Variants in CTNNA2 observed in about 807,000 individuals in gnomAD.
The protein encoded by CTNNA2 is catenin alpha-2.
CTNNA2 carries 42 observed loss-of-function variants against 101.0 expected under a neutral mutation model. That is an observed-to-expected ratio of 0.42 (90% CI 0.32 to 0.54). The LOEUF (loss-of-function observed/expected upper bound fraction) is 0.54. CTNNA2 is among the 20% of genes least tolerant of loss of function. CTNNA2 has a pLI of 0.14. For synonymous variants in CTNNA2, 450 were observed against 456.4 expected (o/e 0.99, Z 0.18); for missense variants, 871 against 1,223.1 (o/e 0.71, Z 4.29).
At chr2:80,519,096 G>A (rs1438734702) in intron 9 of CTNNA2, among the ~76,000 whole-genome samples, 1 of 151,952 alleles carries the variant, frequency 6.6e-6, no homozygotes, top group East Asian at 1.9e-4. Flanking sequence ...GGGAATACAA[G>A]AATAAACACC....
At chr2:80,071,977 G>A (rs1487246434) in intron 7 of CTNNA2, among the ~76,000 whole-genome samples, 1 of 152,168 alleles carries the variant, frequency 6.6e-6, no homozygotes, top group Non-Finnish European at 1.5e-5. Flanking sequence ...AGGAGAAAAT[G>A]TTCCAAATGC....
rs1387001929 is a variant in CTNNA2, at chr2:80,360,612, G to A, written c.1057-32599G>A. 2.0e-5 allele frequency among the ~76,000 whole-genome samples: 3 copies of A among 152,050 alleles called. No individual in the cohort carries two copies. The East Asian group carries it at 5.8e-4, about 29-fold the overall frequency. On this transcript the variant is annotated intron_variant, in intron 7 of 18. Transcript: ENST00000402739. Reference sequence around the variant, plus strand: ...GCAATTGTTTTATTAAAACTGTCCTGATAGGGTACTCTATGATTAGTCCCT... The same window carrying A: ...GCAATTGTTTTATTAAAACTGTCCTAATAGGGTACTCTATGATTAGTCCCT...
At chr2:80,078,270 C>A (rs755425437) in intron 7 of CTNNA2, among the ~76,000 whole-genome samples, 33 of 152,062 alleles carry the variant, frequency 2.2e-4, no homozygotes, top group Non-Finnish European at 4.1e-4. Flanking sequence ...CTGTTGAAAA[C>A]GCAGAACTTC....
At chr2:79,853,315 A>T (rs1468168221) in intron 3 of CTNNA2, among the ~76,000 whole-genome samples, 1 of 151,790 alleles carries the variant, frequency 6.6e-6, no homozygotes, top group African/African-American at 2.4e-5. Context: ...TGATTTTTAA[A>T]TTTTTTTTGT....
At chr2:80,601,418 TTTC>T (rs373927943) in intron 15 of CTNNA2, among the ~76,000 whole-genome samples, 11,615 of 99,206 alleles carry the variant, frequency 0.12, 862 homozygotes, top group African/African-American at 0.17. Flanking sequence ...TCTTTCTTTC[TTTC>T]TTTTTTTTTT....
At chr2:80,561,303 G>A (rs1401724348) in intron 12 of CTNNA2, among the ~76,000 whole-genome samples, 1 of 152,184 alleles carries the variant, frequency 6.6e-6, no homozygotes, top group Non-Finnish European at 1.5e-5. Context: ...GAATGAGAAA[G>A]AAGCCTCATC....
At chr2:80,549,768 A>G (rs928678757) in intron 11 of CTNNA2, among the ~76,000 whole-genome samples, 1 of 152,164 alleles carries the variant, frequency 6.6e-6, no homozygotes, top group Non-Finnish European at 1.5e-5. Context: ...CCCCTTCTCA[A>G]TGGGCATGTT....
rs999844396 is a variant in CTNNA2 at position 80,589,553 on chromosome 2, C to T, written c.2189+68C>T. On this transcript the variant is annotated intron_variant, in intron 15 of 18. Transcript: ENST00000402739. ...CCAGAAGTGTAGCAGTGTGTATTAG[C>T]ATGTGAAAGCCTGCTGAAAAATTAA... is the stretch of plus-strand genomic sequence containing the variant. The T allele has an allele frequency of 5.5e-6, 8 of 1,443,000 alleles. No homozygotes were observed. In the African/African-American group the frequency reaches 1.1e-4, roughly 21 times the overall value. 89.4% of individuals were successfully genotyped at this position (1,443,000 alleles called of 1,614,324 possible).
rs185945645 is a variant in CTNNA2 at position 79,824,749 on chromosome 2, C to A, written c.299-33264C>A. 2.6e-5 allele frequency among the ~76,000 whole-genome samples: 4 copies of A among 152,258 alleles called. No individual in the cohort carries two copies. In the East Asian group the frequency reaches 7.7e-4, roughly 29 times the overall value. ...TGGATGCCTAAAAATCAATATGATG[C>A]ACTGAGATGCTTTGTGATACAGATA... On this transcript the variant is annotated intron_variant, in intron 3 of 18. Transcript: ENST00000402739.
intron 2 of CTNNA2, among the ~76,000 whole-genome samples, chr2:79,242,395 A>G (rs1022166957): frequency 6.6e-6 from 1 of 151,916 alleles, no homozygotes; most frequent in Non-Finnish European, 1.5e-5. Flanking sequence ...CATGGAGGTG[A>G]TTTGGGGAAA....
intron 18 of CTNNA2, among the ~76,000 whole-genome samples, chr2:80,634,301 T>C (rs982174214): frequency 5.9e-5 from 9 of 152,112 alleles, no homozygotes; most frequent in Non-Finnish European, 1.0e-4. Flanking sequence ...CTTGGGTAGT[T>C]TTCACCAAGA....
intron 7 of CTNNA2, among the ~76,000 whole-genome samples, chr2:80,012,967 C>A (rs1442775983): frequency 6.6e-6 from 1 of 152,084 alleles, no homozygotes; most frequent in African/African-American, 2.4e-5. Context: ...AGTTTGAGAC[C>A]ATTCTGGGCA....
At chr2:79,284,688 C>T (rs1228056353) in intron 2 of CTNNA2, among the ~76,000 whole-genome samples, 3 of 150,514 alleles carry the variant, frequency 2.0e-5, no homozygotes, top group Non-Finnish European at 3.0e-5. Context: ...ATTTTTGCAT[C>T]AATGTTCATC....
chr2:80,595,255 A>G lies in CTNNA2; in HGVS notation c.2189+5770A>G, dbSNP rs570925859. ...TTTTATTTTTTTGATACTGTTCTAAATGGAGTTATTTTCTTCATTTTCTTT... is the reference window on the plus strand; with the variant it reads ...TTTTATTTTTTTGATACTGTTCTAAGTGGAGTTATTTTCTTCATTTTCTTT... On this transcript the variant is annotated intron_variant, in intron 15 of 18. Transcript: ENST00000402739. 2.6e-5 allele frequency among the ~76,000 whole-genome samples: 4 copies of G among 151,450 alleles called. No homozygotes were observed. In the East Asian group the frequency reaches 7.8e-4, roughly 29 times the overall value.
At chr2:80,266,319 C>G (rs534367296) in intron 7 of CTNNA2, among the ~76,000 whole-genome samples, 1 of 152,212 alleles carries the variant, frequency 6.6e-6, no homozygotes, top group Admixed American at 6.5e-5. Context: ...ACAGAGAGAG[C>G]TCATGGCCAA....
intron 7 of CTNNA2, among the ~76,000 whole-genome samples, chr2:79,979,835 G>C (rs571813842): frequency 6.6e-6 from 1 of 152,248 alleles, no homozygotes; most frequent in Non-Finnish European, 1.5e-5. Context: ...CTAATGCAGA[G>C]AAAGGAGCTT....
intron 7 of CTNNA2, among the ~76,000 whole-genome samples, chr2:80,312,216 A>AG (rs1364003886): frequency 2.0e-5 from 3 of 152,194 alleles, no homozygotes; most frequent in Non-Finnish European, 4.4e-5. Flanking sequence ...TGGACAGAGG[A>AG]GGGGCAGGAG....
Position 80,052,177 on chromosome 2 carries a change from A to G in CTNNA2, c.1056+142380A>G, listed in dbSNP as rs139972681. 9.2e-5 allele frequency among the ~76,000 whole-genome samples: 14 copies of G among 152,362 alleles called. No homozygotes were observed. The East Asian group carries it at 2.7e-3, about 29-fold the overall frequency. On this transcript the variant is annotated intron_variant, in intron 7 of 18. Transcript: ENST00000402739. ...ACTAACATTTTCAAAAAAAGAAACT[A>G]TGTTGAGAGAGTTGTGGACATTTAT...
At chr2:80,592,519 A>G (rs1696600275) in intron 15 of CTNNA2, among the ~76,000 whole-genome samples, 1 of 152,196 alleles carries the variant, frequency 6.6e-6, no homozygotes, top group African/African-American at 2.4e-5. Context: ...GAATAGTTCA[A>G]CTTGTGATTC....
Sources: gnomAD v4.1 joint callset for allele counts (sites outside exome capture counted in the v4.1 genomes callset) on GRCh38, gnomAD v4.1.1 for gene constraint, MANE v1.5 for transcripts, NCBI Gene and HGNC (gene_info 2026-07-23, HGNC 2026-07-21) for gene names.